Variants in SPMIP7 observed in about 807,000 individuals in gnomAD.
SPMIP7 encodes the protein sperm microtubule inner protein 7, also known as protein SPMIP7.
the SPMIP7 span, among the ~76,000 whole-genome samples, chr7:50,131,350 G>T: frequency 6.6e-6 from 1 of 152,154 alleles, no homozygotes; most frequent in African/African-American, 2.4e-5. Context: ...CAAGGTGAAG[G>T]CAGTGGAGAA....
the SPMIP7 span, among the ~76,000 whole-genome samples, chr7:50,108,589 G>T: frequency 1.3e-5 from 2 of 152,110 alleles, no homozygotes; most frequent in African/African-American, 4.8e-5. Flanking sequence ...AGAAAAAGTA[G>T]TTGTCTCTTT....
the SPMIP7 span, among the ~76,000 whole-genome samples, chr7:50,099,087 C>T: frequency 2.0e-5 from 3 of 152,248 alleles, no homozygotes; most frequent in East Asian, 3.9e-4. Flanking sequence ...TAAGCGAAAT[C>T]ACATATTATT....
chr7:50,131,078 T>C, the SPMIP7 span, among the ~76,000 whole-genome samples: 1 of 152,114 alleles, frequency 6.6e-6, no homozygotes, highest in Non-Finnish European at 1.5e-5. Flanking sequence ...GTGGCTGCTG[T>C]GATCAAAGTA....
At chr7:50,097,738 G>C in the SPMIP7 span, among the ~76,000 whole-genome samples, 5 of 149,184 alleles carry the variant, frequency 3.4e-5, no homozygotes, top group Middle Eastern at 3.6e-3. Context: ...ATAAGTAAGG[G>C]CCATTTTATG....
the SPMIP7 span, among the ~76,000 whole-genome samples, chr7:50,131,324 G>A: frequency 3.3e-5 from 5 of 152,158 alleles, no homozygotes; most frequent in Non-Finnish European, 7.3e-5. Context: ...GATGTACTGA[G>A]GTTGCCATTT....
chr7:50,133,549 CA>C, the SPMIP7 span, among the ~76,000 whole-genome samples: 12 of 152,096 alleles, frequency 7.9e-5, no homozygotes, highest in Non-Finnish European at 1.6e-4. Context: ...TGACAGACTG[CA>C]GGAATTTAGC....
At chr7:50,159,009 G>A in the SPMIP7 span, 2 of 1,547,448 alleles carry the variant, frequency 1.3e-6, no homozygotes. Flanking sequence ...TGTCTTTTAT[G>A]TCTCATTTTC....
chr7:50,140,592 G>A, the SPMIP7 span, among the ~76,000 whole-genome samples: 2 of 152,120 alleles, frequency 1.3e-5, no homozygotes, highest in Non-Finnish European at 2.9e-5. Flanking sequence ...ATTTAATGCC[G>A]GCTTTCCATG....
At chr7:50,105,748 A>G in the SPMIP7 span, among the ~76,000 whole-genome samples, 4 of 152,220 alleles carry the variant, frequency 2.6e-5, no homozygotes, top group Non-Finnish European at 5.9e-5. Flanking sequence ...GTTCTAGGCT[A>G]TTCTGAATTT....
chr7:50,104,166 C>A, the SPMIP7 span: 2 of 408,506 alleles, frequency 4.9e-6, no homozygotes, highest in South Asian at 4.9e-5. Flanking sequence ...GTTCTCACAG[C>A]TAAAAGATCC....
At chr7:50,137,116 T>C in the SPMIP7 span, among the ~76,000 whole-genome samples, 5 of 152,288 alleles carry the variant, frequency 3.3e-5, no homozygotes, top group East Asian at 9.6e-4. Flanking sequence ...GTTCTTTGTC[T>C]ATAAACCCAG....
chr7:50,140,235 T>G, the SPMIP7 span: 1 of 1,142,874 alleles, frequency 8.7e-7, no homozygotes, highest in East Asian at 2.8e-5. Flanking sequence ...ATTTTGGTTG[T>G]AGTTGCTTTC....
At chr7:50,104,475 A>ATG in the SPMIP7 span, 18 of 545,846 alleles carry the variant, frequency 3.3e-5, no homozygotes, top group Non-Finnish European at 5.0e-5. Flanking sequence ...ATATATATAT[A>ATG]ATTAGTTTAT....
At chr7:50,103,320 T>A in the SPMIP7 span, among the ~76,000 whole-genome samples, 1 of 152,100 alleles carries the variant, frequency 6.6e-6, no homozygotes. Flanking sequence ...GATAGGAGAA[T>A]CGATCTCTAT....
the SPMIP7 span, among the ~76,000 whole-genome samples, chr7:50,150,603 T>C: frequency 6.6e-6 from 1 of 152,226 alleles, no homozygotes; most frequent in African/African-American, 2.4e-5. Flanking sequence ...AGCTTCATGC[T>C]GGGCCTGTCC....
the SPMIP7 span, among the ~76,000 whole-genome samples, chr7:50,100,729 G>A: frequency 7.2e-5 from 11 of 151,922 alleles, no homozygotes; most frequent in East Asian, 1.2e-3. Context: ...GGAGAATGGC[G>A]TGAACCTGGT....
At chr7:50,146,754 C>G in the SPMIP7 span, among the ~76,000 whole-genome samples, 1 of 152,190 alleles carries the variant, frequency 6.6e-6, no homozygotes, top group Non-Finnish European at 1.5e-5. Context: ...CCTTAAAGTC[C>G]AAGCCTGGAA....
the SPMIP7 span, among the ~76,000 whole-genome samples, chr7:50,135,662 G>A: frequency 7.2e-5 from 11 of 152,192 alleles, no homozygotes; most frequent in Non-Finnish European, 1.3e-4. Flanking sequence ...ATTCCTTGCC[G>A]TTAAATTCTA....
chr7:50,103,524 G>T, the SPMIP7 span, among the ~76,000 whole-genome samples: 1 of 152,060 alleles, frequency 6.6e-6, no homozygotes, highest in Non-Finnish European at 1.5e-5. Flanking sequence ...TTTACAATCT[G>T]CTATACCTAA....
Sources: gnomAD v4.1 joint callset for allele counts (sites outside exome capture counted in the v4.1 genomes callset) on GRCh38, gnomAD v4.1.1 for gene constraint, MANE v1.5 for transcripts, NCBI Gene and HGNC (gene_info 2026-07-23, HGNC 2026-07-21) for gene names.